The following GALNT15 variants were observed in gnomAD, a reference collection of about 807,000 sequenced individuals.
The protein encoded by GALNT15 is UDP-GalNAc transferase T15.
A neutral mutation model predicts 66.8 loss-of-function variants in GALNT15; 67 were observed. The ratio of observed to expected loss-of-function variants is 1.00; its 90% CI spans 0.82 to 1.23. The LOEUF is 1.23. Ranked by LOEUF, GALNT15 falls within the 50% of genes most tolerant of loss-of-function variation. The pLI is 0.00. For missense variants in GALNT15, 827 were observed against 804.3 expected (o/e 1.03, Z -0.34); for synonymous variants, 313 against 311.5 (o/e 1.00, Z -0.05).
rs2124853982 is a variant in GALNT15 at position 16,191,242 on chromosome 3, C to T, written c.540-4518C>T. ...CTTGCTGTCCTTATTTTTCTGCCTC[C>T]TTCTTCCTCCTGCTGCGGGAAGGAG... is the stretch of plus-strand genomic sequence containing the variant. On this transcript the variant is annotated intron_variant, in intron 1 of 9. Transcript: ENST00000339732. The surrounding 1 kb of genome is among the most constrained non-coding windows in gnomAD (Gnocchi z 5.2). 4 of 687,470 alleles carry T rather than the reference C, an allele frequency of 5.8e-6. No individual in the cohort carries two copies. The highest frequency in any genetic ancestry group is 1.3e-4 in the East Asian group (1 of 7,414). 42.6% of individuals were successfully genotyped at this position (687,470 alleles called of 1,614,324 possible).
At chr3:16,236,605 A>C (rs1265554598), downstream of GALNT15, among the ~76,000 whole-genome samples, 1 of 152,272 alleles carries the variant, frequency 6.6e-6, no homozygotes, top group Non-Finnish European at 1.5e-5. Context: ...TGAGCTTTAA[A>C]AATATAAAAA....
At chr3:16,236,034 G>A (rs1322715681), downstream of GALNT15, among the ~76,000 whole-genome samples, 1 of 143,620 alleles carries the variant, frequency 7.0e-6, no homozygotes, top group Non-Finnish European at 1.5e-5. Context: ...GAACCAGGGA[G>A]GCGGAGGTTG....
intron 6 of GALNT15, 151 bp downstream of exon 6, chr3:16,212,914 C>T: frequency 1.5e-6 from 1 of 665,512 alleles, no homozygotes; most frequent in Non-Finnish European, 2.5e-6. Context: ...AGTGGCTCCT[C>T]CACCTGGTGA....
At chr3:16,218,081 G>A (rs963293917) in intron 6 of GALNT15, among the ~76,000 whole-genome samples, 1 of 152,234 alleles carries the variant, frequency 6.6e-6, no homozygotes, top group Non-Finnish European at 1.5e-5. Flanking sequence ...CTCTGGGGCA[G>A]GGCCCAGGAA....
chr3:16,195,757 C>T lies in GALNT15; in HGVS notation c.540-3C>T. 1.2e-6 allele frequency: 2 copies of T among 1,608,374 alleles called. No homozygotes were observed. The highest frequency in any genetic ancestry group is 2.2e-5 in the South Asian group (2 of 90,714). On this transcript the variant is annotated splice_region_variant and splice_polypyrimidine_tract_variant and intron_variant, in intron 1 of 9. Transcript: ENST00000339732. The surrounding 1 kb of genome is among the most constrained non-coding windows in gnomAD (Gnocchi z 4.6). ...CATGGCTCTCTGGCTCTCTTCCCTGCAGGTGTCTGCAGCAGCACCCTCAGG... is the reference window on the plus strand; with the variant it reads ...CATGGCTCTCTGGCTCTCTTCCCTGTAGGTGTCTGCAGCAGCACCCTCAGG...
At chr3:16,237,732 A>G in the GALNT15 span, among the ~76,000 whole-genome samples, 1 of 152,158 alleles carries the variant, frequency 6.6e-6, no homozygotes, top group East Asian at 1.9e-4. The surrounding 1 kb of genome is among the most constrained non-coding windows in gnomAD (Gnocchi z 4.2). Context: ...CTCTTTGAGC[A>G]TATCCTTGAC....
At chr3:16,234,546 C>A (rs957713047), downstream of GALNT15, among the ~76,000 whole-genome samples, 1 of 152,196 alleles carries the variant, frequency 6.6e-6, no homozygotes, top group African/African-American at 2.4e-5. Context: ...CTCTAGTCAC[C>A]CACAGTGGTA....
Position 16,219,471 on chromosome 3 carries a change from G to A in GALNT15, c.1461G>A (p.Trp487Ter). The part of the protein sequence containing the change: ...QRRLGCRTFH[W>*]FLANVYPELY... Reference sequence around the variant, plus strand: ...GACTGGGTTGTCGGACATTCCACTGGTTTCTGGCTAATGTCTACCCTGAGC... The same window carrying A: ...GACTGGGTTGTCGGACATTCCACTGATTTCTGGCTAATGTCTACCCTGAGC... The change falls in exon 7 of 10, where the codon TGG (tryptophan) becomes TGA (stop). Residue 487 changes from tryptophan to a stop codon, truncating the protein, a stop_gained. Coordinates refer to ENST00000339732, the MANE Select transcript of GALNT15 (RefSeq NM_054110.5). LOFTEE classifies it high-confidence loss of function. This position sits in a 1 kb window ranked among gnomAD's most constrained non-coding sequence, Gnocchi z 4.3. 1 of 1,614,178 alleles carries A rather than the reference G, an allele frequency of 6.2e-7. No individual in the cohort carries two copies. Among genetic ancestry groups the A allele is most frequent in the Non-Finnish European group, 8.5e-7 (1 of 1,180,026 alleles).
At chr3:16,194,672 C>G (rs2063613620) in intron 1 of GALNT15, among the ~76,000 whole-genome samples, 2 of 152,218 alleles carry the variant, frequency 1.3e-5, no homozygotes, top group Non-Finnish European at 2.9e-5. Context: ...GAGATCCTGT[C>G]CTTTCCAGGG....
At chr3:16,198,165 T>A (rs951381832) in intron 2 of GALNT15, among the ~76,000 whole-genome samples, 4 of 142,112 alleles carry the variant, frequency 2.8e-5, no homozygotes, top group African/African-American at 5.2e-5. Context: ...GCAGTATTGG[T>A]GTGACAGCTC....
rs1424918390 is a variant in GALNT15, at chr3:16,175,999, T to C, written c.539+309T>C. Among the ~76,000 whole-genome samples the C allele has an allele frequency of 6.6e-6, 1 of 152,222 alleles. No individual in the cohort carries two copies. Among genetic ancestry groups the C allele is most frequent in the Non-Finnish European group, 1.5e-5 (1 of 68,030 alleles). ...GCAGAAAGTGAGGACTCTTGCTTGT[T>C]CATTCTCTTCTCCGTCCTGGGTTCT... On this transcript the variant is annotated intron_variant, in intron 1 of 9. Transcript: ENST00000339732. This position sits in a 1 kb window ranked among gnomAD's most constrained non-coding sequence, Gnocchi z 5.6.
chr3:16,194,096 A>T (rs931933774), intron 1 of GALNT15, among the ~76,000 whole-genome samples: 2 of 152,144 alleles, frequency 1.3e-5, no homozygotes, highest in Non-Finnish European at 2.9e-5. Context: ...TGAAGGTAGA[A>T]CATTCAGCGC....
rs1559685081 is a variant in GALNT15 at position 16,204,959 on chromosome 3, G to GTGCGCGCGCA, written c.912-3542_912-3541insCGCGCGCATG. On this transcript the variant is annotated intron_variant, in intron 3 of 9. Transcript: ENST00000339732. This position sits in a 1 kb window ranked among gnomAD's most constrained non-coding sequence, Gnocchi z 4.5. The stretch of plus-strand genomic sequence containing the variant: ...GGAGCGAGCATGTGCGTGCGTGTGT[G>GTGCGCGCGCA]TGTGCGCGCGCATGTGCGCGTCAAG... Among the ~76,000 whole-genome samples, 1 of 152,194 alleles carries GTGCGCGCGCA rather than the reference G, an allele frequency of 6.6e-6. No individual in the cohort carries two copies. The highest frequency in any genetic ancestry group is 1.5e-5 in the Non-Finnish European group (1 of 68,024).
At position 16,228,998 on chromosome 3, in the gene GALNT15, G is replaced by A. The variant is rs2124911217; in HGVS notation, c.*1498G>A. 1.0e-6 allele frequency: 1 copy of A among 985,422 alleles called. No individual in the cohort carries two copies. The highest frequency in any genetic ancestry group is 4.7e-5 in the South Asian group (1 of 21,278). 61.0% of individuals were successfully genotyped at this position (985,422 alleles called of 1,614,324 possible). On this transcript the variant is annotated 3_prime_UTR_variant, in exon 10 of 10. Coordinates refer to ENST00000339732, the MANE Select transcript of GALNT15 (RefSeq NM_054110.5). ...GAATTAGCTGTAAGAGTTGCCGAAT[G>A]GGATGGGTTCTGCTATTTAATAAAC...
Position 16,222,572 on chromosome 3 carries a change from GATCTCTTTCT to G in GALNT15, c.1630-41_1630-32del, listed in dbSNP as rs762643775. The G allele has an allele frequency of 2.0e-5, 32 of 1,613,020 alleles. No homozygotes were observed. In the East Asian group the frequency reaches 4.0e-4, roughly 20 times the overall value. On this transcript the variant is annotated intron_variant, in intron 8 of 9. Transcript: ENST00000339732. ...TTACCTCCTCTACAGCTTTGAAGAG[GATCTCTTTCT>G]AGCTGCGCTAACAACTATTGCTTCT...
intron 4 of GALNT15, among the ~76,000 whole-genome samples, chr3:16,210,117 A>G (rs1409584407): frequency 6.6e-6 from 1 of 152,182 alleles, no homozygotes; most frequent in Non-Finnish European, 1.5e-5. Flanking sequence ...AAATCCAGTG[A>G]GCGTTTAAAA....
intron 1 of GALNT15, among the ~76,000 whole-genome samples, chr3:16,192,441 C>T (rs573903815): frequency 2.0e-5 from 3 of 152,156 alleles, no homozygotes; most frequent in Non-Finnish European, 2.9e-5. Flanking sequence ...GCCAGCCTCC[C>T]GGCAACAAGC....
chr3:16,216,077 TA>T (rs1375651078), intron 6 of GALNT15, among the ~76,000 whole-genome samples: 5 of 152,130 alleles, frequency 3.3e-5, no homozygotes, highest in Admixed American at 1.3e-4. Flanking sequence ...CATAAACATT[TA>T]TTGGTGGAAT....
chr3:16,221,989 A>T (rs1417742968), intron 8 of GALNT15, among the ~76,000 whole-genome samples: 1 of 152,252 alleles, frequency 6.6e-6, no homozygotes, highest in Non-Finnish European at 1.5e-5. Flanking sequence ...CACAGGTCAC[A>T]TACCCATGAA....
Sources: gnomAD v4.1 joint callset for allele counts (sites outside exome capture counted in the v4.1 genomes callset) on GRCh38, gnomAD v4.1.1 for gene constraint, Gnocchi (gnomAD v3.1) non-coding constraint, MANE v1.5 for transcripts, NCBI Gene and HGNC (gene_info 2026-07-23, HGNC 2026-07-21) for gene names.